The following RNF180 variants were observed in gnomAD, a reference collection of about 807,000 sequenced individuals.
The protein encoded by RNF180 is E3 ubiquitin-protein ligase RNF180.
RNF180 carries 38 observed loss-of-function variants against 59.2 expected under a neutral mutation model. That is an observed-to-expected ratio of 0.64 (90% CI 0.50 to 0.84). The LOEUF (loss-of-function observed/expected upper bound fraction) is 0.84. Ranked by LOEUF, RNF180 falls within the 40% of genes least tolerant of loss-of-function variation. The probability of loss-of-function intolerance (pLI) is 0.00; values close to 1 mark genes in which losing one functional copy is unlikely to be tolerated. For synonymous variants in RNF180, 262 were observed against 240.3 expected (o/e 1.09, Z -0.84); for missense variants, 705 against 700.9 (o/e 1.01, Z -0.07).
rs186317520 is a variant in RNF180, at chr5:64,261,188, A to G, written c.1227+43792A>G. ...GCATATCATATCTACGTACAACATC[A>G]GCCTTGGAGAGAAGTGACTCTTCAT... On this transcript the variant is annotated intron_variant, in intron 5 of 7. Coordinates refer to ENST00000389100, the MANE Select transcript of RNF180 (RefSeq NM_001113561.2). 1.5e-4 allele frequency among the ~76,000 whole-genome samples: 23 copies of G among 152,318 alleles called. 1 individual carries two copies. Among genetic ancestry groups the G allele is most frequent in the Admixed American group, 4.6e-4 (7 of 15,282 alleles).
intron 1 of RNF180, among the ~76,000 whole-genome samples, chr5:64,197,936 C>G (rs141828210): frequency 1.1e-3 from 163 of 152,088 alleles, no homozygotes; most frequent in Non-Finnish European, 1.8e-3. Flanking sequence ...CAAGGTGTTC[C>G]TTATACTATA....
chr5:64,238,070 T>C (rs1742560854), intron 5 of RNF180, among the ~76,000 whole-genome samples: 1 of 152,236 alleles, frequency 6.6e-6, no homozygotes, highest in African/African-American at 2.4e-5. Flanking sequence ...TTTAGATACC[T>C]CATATAAGTG....
chr5:64,248,950 T>C (rs888208973), intron 5 of RNF180, among the ~76,000 whole-genome samples: 1 of 152,110 alleles, frequency 6.6e-6, no homozygotes, highest in Non-Finnish European at 1.5e-5. Flanking sequence ...TCATTTCCTC[T>C]CCAGGGACGA....
chr5:64,298,296 G>A (rs1014174576), intron 5 of RNF180, among the ~76,000 whole-genome samples: 8 of 151,910 alleles, frequency 5.3e-5, no homozygotes, highest in African/African-American at 1.9e-4. Context: ...ATTATGAATA[G>A]TGCTGCAGTA....
intron 5 of RNF180, among the ~76,000 whole-genome samples, chr5:64,250,246 T>C (rs1743479472): frequency 6.6e-6 from 1 of 152,014 alleles, no homozygotes; most frequent in African/African-American, 2.4e-5. Flanking sequence ...AAAAGGGAAA[T>C]TTAAAAAATT....
chr5:64,175,101 G>A (rs915763002), intron 1 of RNF180, among the ~76,000 whole-genome samples: 2 of 151,086 alleles, frequency 1.3e-5, no homozygotes, highest in African/African-American at 4.9e-5. Context: ...CCAAATAGCT[G>A]GGATTACAGG....
At chr5:64,254,044 G>T (rs1214056690) in intron 5 of RNF180, among the ~76,000 whole-genome samples, 2 of 151,930 alleles carry the variant, frequency 1.3e-5, no homozygotes, top group African/African-American at 4.8e-5. Flanking sequence ...TAAACATTTG[G>T]ATATCCTGAG....
At chr5:64,194,833 A>G (rs1156611697) in intron 1 of RNF180, among the ~76,000 whole-genome samples, 1 of 152,148 alleles carries the variant, frequency 6.6e-6, no homozygotes, top group Non-Finnish European at 1.5e-5. Flanking sequence ...TCCTTCGCCC[A>G]CTTTTTGATG....
chr5:64,326,978 C>T (rs1561263449), intron 6 of RNF180, among the ~76,000 whole-genome samples: 1 of 152,142 alleles, frequency 6.6e-6, no homozygotes, highest in Non-Finnish European at 1.5e-5. Flanking sequence ...AATTCAATCT[C>T]ATTACCTGTG....
intron 7 of RNF180, among the ~76,000 whole-genome samples, chr5:64,344,515 AG>A (rs1251647596): frequency 7.5e-6 from 1 of 133,332 alleles, no homozygotes; most frequent in Non-Finnish European, 1.6e-5. Flanking sequence ...CATCTATCTC[AG>A]GAACTGCTAG....
intron 5 of RNF180, among the ~76,000 whole-genome samples, chr5:64,237,087 C>A (rs905713137): frequency 2.0e-4 from 30 of 152,178 alleles, no homozygotes; most frequent in African/African-American, 6.3e-4. Context: ...AGAAGAGGGC[C>A]ACTGTCCTCC....
intron 5 of RNF180, among the ~76,000 whole-genome samples, chr5:64,249,252 T>C (rs1394334779): frequency 2.0e-5 from 3 of 151,680 alleles, no homozygotes; most frequent in Admixed American, 2.0e-4. Context: ...TAAAGTATAA[T>C]AAAAAAAGAA....
chr5:64,240,962 A>T (rs1422633519), intron 5 of RNF180, among the ~76,000 whole-genome samples: 1 of 152,238 alleles, frequency 6.6e-6, no homozygotes, highest in Non-Finnish European at 1.5e-5. Flanking sequence ...ACTGGACTAT[A>T]AATCTCACAA....
At position 64,337,391 on chromosome 5, in the gene RNF180, G is replaced by A. The variant is rs114176494; in HGVS notation, c.1579+6985G>A. ...AATCTTCCCCTTATATTTTGTTAAA[G>A]GTTCAACATCTGTCTTTTTTCATAT... On this transcript the variant is annotated intron_variant, in intron 7 of 7. Transcript: ENST00000389100. Among the ~76,000 whole-genome samples, 131 of 152,108 alleles carry A rather than the reference G, an allele frequency of 8.6e-4. 1 individual carries two copies. The highest frequency in any genetic ancestry group is 3.0e-3 in the African/African-American group (125 of 41,486).
chr5:64,251,946 CAAAT>C lies in RNF180; in HGVS notation c.1227+34553_1227+34556del, dbSNP rs1375612074. Among the ~76,000 whole-genome samples the C allele has an allele frequency of 2.6e-5, 4 of 152,060 alleles. No individual in the cohort carries two copies. In the South Asian group the frequency reaches 6.2e-4, roughly 24 times the overall value. ...TGATGAAGGAAATTGGAGAAAAAGA[CAAAT>C]AAGTGGAAAATATCTCATACACATG... is the stretch of plus-strand genomic sequence containing the variant. On this transcript the variant is annotated intron_variant, in intron 5 of 7. Transcript: ENST00000389100.
At chr5:64,334,646 G>C (rs929886548) in intron 7 of RNF180, among the ~76,000 whole-genome samples, 4 of 152,148 alleles carry the variant, frequency 2.6e-5, no homozygotes, top group African/African-American at 9.6e-5. Context: ...AATTTTGCTT[G>C]TCTTTTAACT....
At chr5:64,287,320 CAAAT>C (rs1165491458) in intron 5 of RNF180, among the ~76,000 whole-genome samples, 4 of 152,048 alleles carry the variant, frequency 2.6e-5, no homozygotes, top group Non-Finnish European at 4.4e-5. Flanking sequence ...TTACCATAGT[CAAAT>C]GAAGGAAGGA....
chr5:64,188,537 G>T (rs552229191), intron 1 of RNF180, among the ~76,000 whole-genome samples: 1 of 152,070 alleles, frequency 6.6e-6, no homozygotes, highest in East Asian at 1.9e-4. Context: ...TTCTAAGTTG[G>T]TATGCTTTGC....
chr5:64,215,789 C>A (rs1004504945), intron 4 of RNF180, among the ~76,000 whole-genome samples: 4 of 152,018 alleles, frequency 2.6e-5, no homozygotes, highest in Non-Finnish European at 5.9e-5. Context: ...GCTCTAAAAT[C>A]TGTAGCAAAT....
Sources: allele counts gnomAD v4.1 joint callset (sites outside exome capture counted in the v4.1 genomes callset), GRCh38; gene constraint gnomAD v4.1.1; transcripts MANE v1.5; gene names NCBI Gene and HGNC (gene_info 2026-07-23, HGNC 2026-07-21).